Variants in OTUD4 observed in about 807,000 individuals in gnomAD.
OTUD4 encodes the protein OTU domain-containing protein 4.
Under a neutral mutation model 130.4 loss-of-function variants are expected in OTUD4, and 24 were observed. The observed-to-expected ratio is 0.18, with a 90% CI of 0.13 to 0.26. The LOEUF is 0.26. OTUD4 is among the 10% of genes least tolerant of loss of function. The pLI is 1.00. For missense variants in OTUD4, 1,031 were observed against 1,329.4 expected (o/e 0.78, Z 3.49); for synonymous variants, 420 against 472.5 (o/e 0.89, Z 1.44).
chr4:145,138,449 C>T lies in OTUD4; in HGVS notation c.2326G>A (p.Val776Ile). ...AHFPMQTEAS[V>I]NGQMPQPEIG... Reference sequence around the variant, plus strand: ...TCTGGCTGTGGCATTTGACCATTAACACTGGCCTCAGTCTGCATAGGAAAG... The same window carrying T: ...TCTGGCTGTGGCATTTGACCATTAATACTGGCCTCAGTCTGCATAGGAAAG... The change falls in exon 21 of 21, where the codon GTT becomes ATT. Residue 776 changes from valine (V) to isoleucine (I), a missense_variant. Physicochemically the swap from Val to Ile is conservative, Grantham distance 29 (BLOSUM62 3). Around this residue, in one of 3 missense-constraint regions of OTUD4, gnomAD observed 900 missense variants for 1,095.9 expected, o/e 0.82. Coordinates refer to ENST00000447906, the MANE Select transcript of OTUD4 (RefSeq NM_001366057.1). The T allele has an allele frequency of 6.2e-7, 1 of 1,614,160 alleles. No homozygotes were observed. Among genetic ancestry groups the T allele is most frequent in the Non-Finnish European group, 8.5e-7 (1 of 1,180,022 alleles).
At chr4:145,169,975 A>G (rs1752073517) in intron 3 of OTUD4, among the ~76,000 whole-genome samples, 1 of 152,228 alleles carries the variant, frequency 6.6e-6, no homozygotes, top group Non-Finnish European at 1.5e-5. Flanking sequence ...CAGTACATTA[A>G]ATGATATAAG....
intron 3 of OTUD4, among the ~76,000 whole-genome samples, chr4:145,167,013 A>G (rs1751911624): frequency 6.6e-6 from 1 of 152,228 alleles, no homozygotes; most frequent in African/African-American, 2.4e-5. Flanking sequence ...ATATTGGTAC[A>G]TGTGCACACA....
At chr4:145,146,207 A>G (rs1215009006) in intron 14 of OTUD4, 60 bp downstream of exon 14, 6 of 1,168,742 alleles carry the variant, frequency 5.1e-6, no homozygotes, top group Non-Finnish European at 4.6e-6. Flanking sequence ...GGCTTAATCT[A>G]AAAACTATAT....
chr4:145,136,016 A>G lies in OTUD4; in HGVS notation c.*1414T>C, dbSNP rs760527938. The G allele has an allele frequency of 6.6e-6, 1 of 152,664 alleles. No homozygotes were observed. The highest frequency in any genetic ancestry group is 1.9e-4 in the East Asian group (1 of 5,202). The allele number at this position is 152,664 out of a possible 1,614,324, so 9.5% of individuals were successfully genotyped here. A position where few individuals can be genotyped will look rare whatever the true frequency, so the allele number is the denominator to read the frequency against. On this transcript the variant is annotated 3_prime_UTR_variant, in exon 21 of 21. Transcript: ENST00000447906. ...ACCGCATCTGGTTTTGGCTAGGTAT[A>G]TTACACATGGCATGCAAAGAGAAAT...
Sources: gnomAD v4.1 joint callset for allele counts (sites outside exome capture counted in the v4.1 genomes callset) on GRCh38, gnomAD v4.1.1 for gene constraint, gnomAD v4.1.1 regional missense constraint, MANE v1.5 for transcripts, NCBI Gene and HGNC (gene_info 2026-07-23, HGNC 2026-07-21) for gene names.